Variants in COL11A1 observed in about 807,000 individuals in gnomAD.
COL11A1 encodes collagen type XI alpha 1 chain.
Under a neutral mutation model 265.2 loss-of-function variants are expected in COL11A1, and 74 were observed. The observed-to-expected ratio is 0.28, with a 90% CI of 0.23 to 0.34. The LOEUF is 0.34. COL11A1 is among the 10% of genes least tolerant of loss of function. COL11A1 has a pLI of 1.00. For synonymous variants in COL11A1, 816 were observed against 727.6 expected (o/e 1.12, Z -1.96); for missense variants, 2,165 against 2,263.6 (o/e 0.96, Z 0.88).
At chr1:103,010,376 T>A (rs1273393393) in intron 14 of COL11A1, among the ~76,000 whole-genome samples, 1 of 152,192 alleles carries the variant, frequency 6.6e-6, no homozygotes, top group Non-Finnish European at 1.5e-5. Flanking sequence ...ATGATTTTTT[T>A]CTCTCAATAC....
At chr1:102,968,593 C>T (rs180827380) in intron 37 of COL11A1, among the ~76,000 whole-genome samples, 1 of 152,278 alleles carries the variant, frequency 6.6e-6, no homozygotes, top group African/African-American at 2.4e-5. Flanking sequence ...AGAATGCCCA[C>T]TCTAGATTGT....
chr1:103,046,499 A>T (rs1332342972), intron 4 of COL11A1, among the ~76,000 whole-genome samples: 1 of 151,298 alleles, frequency 6.6e-6, no homozygotes, highest in Admixed American at 6.6e-5. Flanking sequence ...TAGATTCTGG[A>T]TATTAGCCCT....
At chr1:102,887,155 T>C in intron 62 of COL11A1, 99 bp from the exon 63 acceptor site, 1 of 1,489,358 alleles carries the variant, frequency 6.7e-7, no homozygotes, top group Non-Finnish European at 9.2e-7. Context: ...GAAATTAGAG[T>C]TGGTTTAGCT....
At chr1:102,943,534 T>G (rs12088773) in intron 42 of COL11A1, among the ~76,000 whole-genome samples, 166 of 151,746 alleles carry the variant, frequency 1.1e-3, no homozygotes, top group African/African-American at 3.9e-3. Context: ...TTTCAGAACT[T>G]ACACCCATTA....
chr1:102,927,731 G>A (rs1656787504), intron 46 of COL11A1, among the ~76,000 whole-genome samples: 1 of 151,958 alleles, frequency 6.6e-6, no homozygotes, highest in Admixed American at 6.5e-5. Context: ...AGATATATTT[G>A]AACAGAGGCT....
intron 57 of COL11A1, among the ~76,000 whole-genome samples, chr1:102,893,904 T>A (rs979930036): frequency 6.6e-6 from 1 of 152,194 alleles, no homozygotes; most frequent in African/African-American, 2.4e-5. Flanking sequence ...AAATAAACTC[T>A]AATTCAGTAT....
At chr1:103,066,051 C>G (rs868381014) in intron 4 of COL11A1, among the ~76,000 whole-genome samples, 15 of 152,090 alleles carry the variant, frequency 9.9e-5, no homozygotes, top group Admixed American at 2.6e-4. Context: ...GTGAAAATAT[C>G]CTTCTGTAAT....
intron 35 of COL11A1, among the ~76,000 whole-genome samples, chr1:102,977,348 T>C (rs1171588933): frequency 4.6e-5 from 7 of 152,188 alleles, no homozygotes; most frequent in African/African-American, 1.7e-4. Flanking sequence ...TGAATAGTTA[T>C]TGAAAATGAA....
chr1:102,958,942 T>C (rs1308582018), intron 41 of COL11A1, among the ~76,000 whole-genome samples: 2 of 152,128 alleles, frequency 1.3e-5, no homozygotes, highest in East Asian at 3.9e-4. Context: ...TTGAGGTCAT[T>C]GTTCAGTTTT....
At chr1:103,081,844 T>C (rs1249798788) in intron 2 of COL11A1, among the ~76,000 whole-genome samples, 1 of 151,934 alleles carries the variant, frequency 6.6e-6, no homozygotes, top group Non-Finnish European at 1.5e-5. Flanking sequence ...ATATAAAATA[T>C]ATAGAGCAGA....
chr1:102,915,964 C>T (rs1655288779), intron 49 of COL11A1, among the ~76,000 whole-genome samples: 1 of 152,146 alleles, frequency 6.6e-6, no homozygotes, highest in Admixed American at 6.5e-5. Context: ...ACCATCATAA[C>T]AGACATATGC....
chr1:102,908,331 A>G (rs535002467), intron 54 of COL11A1, among the ~76,000 whole-genome samples: 45 of 152,136 alleles, frequency 3.0e-4, no homozygotes, highest in Middle Eastern at 3.4e-3. Context: ...TCCTAATCGG[A>G]TCTTTTTGTT....
At chr1:103,012,168 GT>G (rs1028015153) in intron 14 of COL11A1, among the ~76,000 whole-genome samples, 1 of 152,166 alleles carries the variant, frequency 6.6e-6, no homozygotes, top group Admixed American at 6.5e-5. Flanking sequence ...GAAATTAATA[GT>G]TGGATATGAC....
At chr1:102,881,048 G>A (rs1480813035) in intron 65 of COL11A1, among the ~76,000 whole-genome samples, 1 of 151,922 alleles carries the variant, frequency 6.6e-6, no homozygotes, top group Non-Finnish European at 1.5e-5. Flanking sequence ...ATCATAAATG[G>A]AAAATAATAG....
intron 5 of COL11A1, among the ~76,000 whole-genome samples, chr1:103,026,571 C>T (rs1162287972): frequency 6.6e-6 from 1 of 151,958 alleles, no homozygotes; most frequent in Admixed American, 6.6e-5. Context: ...CACGAGAAAA[C>T]AAAAAATTTG....
At chr1:103,033,968 T>C (rs911593566) in intron 4 of COL11A1, among the ~76,000 whole-genome samples, 6 of 152,052 alleles carry the variant, frequency 3.9e-5, no homozygotes, top group African/African-American at 1.2e-4. Flanking sequence ...TTTTGCTGGC[T>C]ATAAAATTTT....
intron 62 of COL11A1, among the ~76,000 whole-genome samples, chr1:102,887,737 A>G (rs1651180541): frequency 6.6e-6 from 1 of 152,196 alleles, no homozygotes; most frequent in South Asian, 2.1e-4. Context: ...TGAAAATATA[A>G]TTAGTTAAGA....
At chr1:103,084,422 T>G (rs1050473098) in intron 1 of COL11A1, among the ~76,000 whole-genome samples, 3 of 152,082 alleles carry the variant, frequency 2.0e-5, no homozygotes, top group Admixed American at 2.0e-4. Context: ...TTGAACACAA[T>G]GTTCACTGCA....
At chr1:102,881,450 T>G (rs926937882) in intron 65 of COL11A1, among the ~76,000 whole-genome samples, 5 of 152,164 alleles carry the variant, frequency 3.3e-5, no homozygotes, top group African/African-American at 1.2e-4. Flanking sequence ...CTTAATAAAT[T>G]GTATGCATGA....
Sources: allele counts gnomAD v4.1 joint callset (sites outside exome capture counted in the v4.1 genomes callset), GRCh38; gene constraint gnomAD v4.1.1; transcripts MANE v1.5; gene names NCBI Gene and HGNC (gene_info 2026-07-23, HGNC 2026-07-21).